Variants in EYS observed in about 807,000 individuals in gnomAD.
EYS encodes EGF-like photoreceptor maintenance factor.
In EYS, 250 loss-of-function variants were observed where a neutral mutation model predicts 282.1. The observed-to-expected ratio is 0.89, with a 90% confidence interval of 0.80 to 0.98. EYS has a LOEUF of 0.98. EYS is among the 50% of genes least tolerant of loss of function. The pLI, the probability that EYS is intolerant of heterozygous loss-of-function variation, is 0.00. For missense variants in EYS, 4,016 were observed against 3,709.0 expected (o/e 1.08, Z -2.15); for synonymous variants, 1,355 against 1,282.9 (o/e 1.06, Z -1.20).
chr6:65,597,872 G>T (rs547946442), intron 2 of EYS, among the ~76,000 whole-genome samples: 21 of 151,944 alleles, frequency 1.4e-4, no homozygotes, highest in Non-Finnish European at 2.5e-4. Flanking sequence ...AGGTCAAGGC[G>T]GGCAGATCAC....
At chr6:63,799,914 C>T (rs928411808) in intron 37 of EYS, among the ~76,000 whole-genome samples, 6 of 152,136 alleles carry the variant, frequency 3.9e-5, no homozygotes, top group Admixed American at 1.3e-4. Context: ...GGAAGCTTGA[C>T]GGTGGACTGA....
intron 2 of EYS, among the ~76,000 whole-genome samples, chr6:65,630,922 T>C (rs1382451346): frequency 2.6e-5 from 4 of 152,222 alleles, no homozygotes; most frequent in African/African-American, 7.2e-5. Flanking sequence ...GAACCAAAGA[T>C]GTAAGCAATT....
rs145092614 is a variant in EYS at position 64,716,032 on chromosome 6, C to T, written c.3444-89787G>A. Among the ~76,000 whole-genome samples, 140 of 152,286 alleles carry T rather than the reference C, an allele frequency of 9.2e-4. 2 individuals carry two copies. The highest frequency in any genetic ancestry group is 3.2e-3 in the African/African-American group (135 of 41,572). ...GATAAAAGAAGAAACAAGTGCTCTG[C>T]CTCCATCTCCTCACAGAGCTGCATG... On this transcript the variant is annotated intron_variant, in intron 22 of 42. Coordinates refer to ENST00000503581, the MANE Select transcript of EYS (RefSeq NM_001142800.2).
intron 35 of EYS, among the ~76,000 whole-genome samples, chr6:63,933,324 A>G (rs146476011): frequency 0.011 from 1,607 of 152,190 alleles, 29 homozygotes; most frequent in African/African-American, 0.037. Flanking sequence ...CCTCCACCTC[A>G]GCCCCCTGAG....
At chr6:65,194,955 A>C (rs1765730276) in intron 12 of EYS, among the ~76,000 whole-genome samples, 1 of 151,176 alleles carries the variant, frequency 6.6e-6, no homozygotes. Flanking sequence ...ATGGGTTTCT[A>C]TTTTTTCCTA....
intron 12 of EYS, among the ~76,000 whole-genome samples, chr6:65,287,592 A>T: frequency 6.6e-6 from 1 of 151,334 alleles, no homozygotes; most frequent in East Asian, 1.9e-4. Context: ...TTTGCATTTT[A>T]ATGAGTTTGG....
At chr6:64,936,558 C>A (rs956760457) in intron 15 of EYS, among the ~76,000 whole-genome samples, 1 of 151,360 alleles carries the variant, frequency 6.6e-6, no homozygotes, top group African/African-American at 2.4e-5. Flanking sequence ...ATTATTATAA[C>A]TAATAAATAA....
At chr6:65,438,276 T>A (rs1179748820) in intron 5 of EYS, among the ~76,000 whole-genome samples, 1 of 151,688 alleles carries the variant, frequency 6.6e-6, no homozygotes, top group Non-Finnish European at 1.5e-5. Context: ...TTTGGGTTGG[T>A]TCCAAGTCTT....
At chr6:64,680,547 T>A (rs752940049) in intron 22 of EYS, among the ~76,000 whole-genome samples, 2 of 152,114 alleles carry the variant, frequency 1.3e-5, no homozygotes, top group Non-Finnish European at 2.9e-5. Context: ...AGATATTGTA[T>A]CTCACTGGAA....
At chr6:65,407,841 G>A (rs1766820992) in intron 5 of EYS, among the ~76,000 whole-genome samples, 1 of 151,608 alleles carries the variant, frequency 6.6e-6, no homozygotes, top group Admixed American at 6.6e-5. Context: ...TAGAAATGGT[G>A]AAAGTAGATA....
rs904021762 is a variant in EYS, at chr6:65,204,179, T to C, written c.2023+91684A>G. On this transcript the variant is annotated intron_variant, in intron 12 of 42. Coordinates refer to ENST00000503581, the MANE Select transcript of EYS (RefSeq NM_001142800.2). ...AAAATTTCCCCAATCTTGCTAGAGA[T>C]GTAGACATTCAAATACAATAAATTT... 9.9e-5 allele frequency among the ~76,000 whole-genome samples: 15 copies of C among 152,172 alleles called. No homozygotes were observed. In the East Asian group the frequency reaches 2.7e-3, roughly 27 times the overall value.
intron 12 of EYS, among the ~76,000 whole-genome samples, chr6:65,091,173 C>T (rs1005404550): frequency 6.7e-6 from 1 of 150,372 alleles, no homozygotes; most frequent in African/African-American, 2.4e-5. Flanking sequence ...GTGGCTTAAG[C>T]CTGTAATCCT....
intron 22 of EYS, among the ~76,000 whole-genome samples, chr6:64,662,679 T>C (rs6928255): frequency 0.95 from 144,917 of 152,262 alleles, 69,361 homozygotes; most frequent in East Asian, 1. Context: ...CGCTCATAGA[T>C]TTTTTTTGTT....
intron 28 of EYS, among the ~76,000 whole-genome samples, chr6:64,403,382 C>T (rs781002012): frequency 2.6e-5 from 4 of 151,688 alleles, no homozygotes; most frequent in South Asian, 2.1e-4. Flanking sequence ...TCTGAGATGG[C>T]GTCTCGCTCT....
At chr6:64,465,655 C>T (rs1775892909) in intron 26 of EYS, among the ~76,000 whole-genome samples, 1 of 151,098 alleles carries the variant, frequency 6.6e-6, no homozygotes, top group Non-Finnish European at 1.5e-5. Flanking sequence ...TTGAAGAAAA[C>T]ATTGAGGAAG....
intron 33 of EYS, among the ~76,000 whole-genome samples, chr6:64,029,802 C>T (rs535187448): frequency 2.0e-4 from 30 of 152,262 alleles, no homozygotes; most frequent in African/African-American, 6.3e-4. Flanking sequence ...GGCACTTACC[C>T]GAGCCTTAGA....
chr6:64,780,037 G>T (rs992380819), intron 22 of EYS, among the ~76,000 whole-genome samples: 2 of 152,168 alleles, frequency 1.3e-5, no homozygotes, highest in Non-Finnish European at 2.9e-5. Flanking sequence ...ACTCAAGAAT[G>T]AACACAATCC....
chr6:64,409,233 T>G (rs1773812810), intron 28 of EYS, among the ~76,000 whole-genome samples: 1 of 152,158 alleles, frequency 6.6e-6, no homozygotes. Context: ...TCTTTTCTAT[T>G]GTAAAAAGTA....
intron 12 of EYS, among the ~76,000 whole-genome samples, chr6:65,223,146 T>C (rs74987829): frequency 0.042 from 6,463 of 152,138 alleles, 189 homozygotes; most frequent in Middle Eastern, 0.065. Flanking sequence ...TAGGGGAATG[T>C]ATGATGATGA....
Sources: allele counts gnomAD v4.1 joint callset (sites outside exome capture counted in the v4.1 genomes callset), GRCh38; gene constraint gnomAD v4.1.1; transcripts MANE v1.5; gene names NCBI Gene and HGNC (gene_info 2026-07-23, HGNC 2026-07-21).